WDR91: variants seen among roughly 807,000 people sequenced by gnomAD.
WDR91 encodes the protein WD repeat domain 91, also known as WD repeat-containing protein 91.
A neutral mutation model predicts 88.4 loss-of-function variants in WDR91; 52 were observed. The ratio of observed to expected loss-of-function variants is 0.59; its 90% CI spans 0.47 to 0.74. The LOEUF (loss-of-function observed/expected upper bound fraction) is 0.74, where lower values mean the gene tolerates loss of function less well. Among genes scored for constraint, WDR91 ranks in the 30% least tolerant of loss-of-function variants. WDR91 has a pLI of 0.00. For synonymous variants in WDR91, 362 were observed against 389.5 expected, an observed-to-expected ratio of 0.93 and a Z score of 0.83; for missense variants, 824 against 954.5, an observed-to-expected ratio of 0.86 and a Z score of 1.80.
intron 6 of WDR91, among the ~76,000 whole-genome samples, chr7:135,200,989 C>T (rs1451351110): frequency 6.6e-6 from 1 of 152,206 alleles, no homozygotes; most frequent in Non-Finnish European, 1.5e-5. Flanking sequence ...GAAAGACAGG[C>T]TTTCTCCTTA....
chr7:135,206,568 T>A (rs960548884), intron 4 of WDR91, among the ~76,000 whole-genome samples: 3 of 152,154 alleles, frequency 2.0e-5, no homozygotes, highest in African/African-American at 7.2e-5. Context: ...TAAGGAGATC[T>A]TAATTTCAGG....
Position 135,209,716 on chromosome 7 carries a change from C to T in WDR91, c.163G>A (p.Val55Met), listed in dbSNP as rs967332023. 6 of 1,611,396 alleles carry T rather than the reference C, an allele frequency of 3.7e-6. No homozygotes were observed. The highest frequency in any genetic ancestry group is 5.1e-6 in the Non-Finnish European group (6 of 1,179,016). ...TCCCGAAGGGCAGCCAAGTCATACACCTGCATTAACTGCTGCAGCTGGTCC... is the reference window on the plus strand; with the variant it reads ...TCCCGAAGGGCAGCCAAGTCATACATCTGCATTAACTGCTGCAGCTGGTCC... The part of the protein sequence containing the change: ...IVDQLQQLMQ[V>M]YDLAALRDYW... Residue 55 changes from valine to methionine, a missense_variant, in exon 2 of 15, where the codon GTG becomes ATG. Coordinates refer to ENST00000354475, the MANE Select transcript of WDR91 (RefSeq NM_014149.4).
chr7:135,198,234 C>G (rs111757975), intron 6 of WDR91, 83 bp from the exon 7 acceptor site: 90 of 1,164,518 alleles, frequency 7.7e-5, no homozygotes, highest in Non-Finnish European at 8.9e-5. Context: ...CAGCCCTGGG[C>G]GGGGGGGCGT....
At chr7:135,211,301 G>A (rs935348169) in intron 1 of WDR91, 79 bp downstream of exon 1, 8 of 1,515,514 alleles carry the variant, frequency 5.3e-6, no homozygotes, top group African/African-American at 2.8e-5. Context: ...CTCTCGCCCC[G>A]GAGGCAGTGC....
At chr7:135,206,151 G>C in intron 4 of WDR91, 93 bp from the exon 5 acceptor site, 1 of 1,536,306 alleles carries the variant, frequency 6.5e-7, no homozygotes, top group Non-Finnish European at 9.0e-7. Flanking sequence ...CAAGCCCACT[G>C]GTCTGAGTGC....
chr7:135,207,088 C>A, intron 4 of WDR91, 32 bp downstream of exon 4: 2 of 1,577,328 alleles, frequency 1.3e-6, no homozygotes, highest in Non-Finnish European at 1.7e-6. Flanking sequence ...AGCAGAAGTA[C>A]TTCCTCAGGA....
At chr7:135,189,475 T>C (rs2117633477) in intron 11 of WDR91, 23 bp from the exon 12 acceptor site, 1 of 1,601,666 alleles carries the variant, frequency 6.2e-7, no homozygotes, top group South Asian at 1.1e-5. Context: ...AACAAAAATG[T>C]CAGTAGCAGA....
chr7:135,192,511 C>T (rs1167476429), intron 11 of WDR91, among the ~76,000 whole-genome samples: 1 of 152,084 alleles, frequency 6.6e-6, no homozygotes, highest in Non-Finnish European at 1.5e-5. Flanking sequence ...GTCAAGAATT[C>T]GAGTGTGACC....
At chr7:135,206,233 G>T (rs1303390924) in intron 4 of WDR91, among the ~76,000 whole-genome samples, 175 bp from the exon 5 acceptor site, 1 of 152,126 alleles carries the variant, frequency 6.6e-6, no homozygotes, top group African/African-American at 2.4e-5. Context: ...TGCTGTCACT[G>T]GACAACAATG....
intron 4 of WDR91, among the ~76,000 whole-genome samples, chr7:135,206,646 A>G (rs1831796546): frequency 2.0e-5 from 3 of 152,108 alleles, no homozygotes; most frequent in Admixed American, 6.5e-5. Context: ...TGTTTTATCA[A>G]ACTAGAGAAG....
At chr7:135,204,189 CT>C (rs1831675930) in intron 6 of WDR91, 78 bp downstream of exon 6, 6 of 1,548,736 alleles carry the variant, frequency 3.9e-6, no homozygotes, top group African/African-American at 1.4e-5. Context: ...CAAGTCTACA[CT>C]TGACCAGGAG....
chr7:135,186,717 C>T (rs1830956840), intron 14 of WDR91, among the ~76,000 whole-genome samples: 1 of 152,228 alleles, frequency 6.6e-6, no homozygotes, highest in African/African-American at 2.4e-5. Context: ...GGGCCTCGGG[C>T]AGCTCTCTCC....
At position 135,211,482 on chromosome 7, in the gene WDR91, G is replaced by A. The variant is rs144966993; in HGVS notation, c.21C>T (p.Arg7=). 2 of 1,611,534 alleles carry A rather than the reference G, an allele frequency of 1.2e-6. No homozygotes were observed. The highest frequency in any genetic ancestry group is 2.2e-5 in the East Asian group (1 of 44,762). The change falls in exon 1 of 15, where the codon CGC becomes CGT. Residue 7 remains arginine, a synonymous_variant. Transcript: ENST00000354475. MAEAVE[R]TDELVREYLL... ...GGTACTCCCGGACCAGCTCGTCAGT[G>A]CGCTCCACGGCCTCCGCCATCGCAG...
intron 14 of WDR91, 73 bp from the exon 15 acceptor site, chr7:135,186,388 C>T: frequency 1.3e-6 from 2 of 1,498,168 alleles, no homozygotes; most frequent in East Asian, 2.5e-5. Flanking sequence ...CTTTCAGTGG[C>T]CTACCTGAGG....
intron 9 of WDR91, 188 bp from the exon 10 acceptor site, chr7:135,193,860 G>C (rs1831267201): frequency 1.7e-6 from 1 of 583,306 alleles, no homozygotes; most frequent in Admixed American, 3.0e-5. Flanking sequence ...CGTGAGAGCT[G>C]ACCTTGAACT....
In WDR91 at chr7:135,196,752, C is replaced by G. The variant is rs545667420; in HGVS notation, c.1051-415G>C. ...AGATGCTATTATCTTCCCCATTTTA[C>G]AGCTGTGGAAACTAAAAGACTGAAA... On this transcript the variant is annotated intron_variant, in intron 7 of 14. Transcript: ENST00000354475. The surrounding 1 kb of genome is among the most constrained non-coding windows in gnomAD (Gnocchi z 4.2). Among the ~76,000 whole-genome samples the G allele has an allele frequency of 6.6e-6, 1 of 152,326 alleles. No individual in the cohort carries two copies. The highest frequency in any genetic ancestry group is 6.5e-5 in the Admixed American group (1 of 15,306).
In WDR91 at chr7:135,193,009, G is replaced by A. The variant is rs191647067; in HGVS notation, c.1659+222C>T. On this transcript the variant is annotated intron_variant, in intron 11 of 14. Coordinates refer to ENST00000354475, the MANE Select transcript of WDR91 (RefSeq NM_014149.4). The stretch of plus-strand genomic sequence containing the variant: ...CCTCTCCTAAATAATCAACCACAGG[G>A]GCCCTCTGGTAGGTTCTGGGTGTCT... Among the ~76,000 whole-genome samples, 5 of 152,216 alleles carry A rather than the reference G, an allele frequency of 3.3e-5. No homozygotes were observed. In the East Asian group the frequency reaches 7.7e-4, roughly 23 times the overall value.
intron 6 of WDR91, 38 bp from the exon 7 acceptor site, chr7:135,198,189 T>A (rs2117673841): frequency 6.3e-7 from 1 of 1,595,452 alleles, no homozygotes; most frequent in Middle Eastern, 2.0e-4. Flanking sequence ...TCTCTTCCCA[T>A]CTGCCCAGGC....
chr7:135,187,203 G>A (rs774312383), intron 13 of WDR91, 34 bp from the exon 14 acceptor site: 4 of 1,610,910 alleles, frequency 2.5e-6, no homozygotes, highest in South Asian at 1.1e-5. Context: ...GGTGCTCGCA[G>A]CGGAGCTGGC....
Sources: gnomAD v4.1 joint callset for allele counts (sites outside exome capture counted in the v4.1 genomes callset) on GRCh38, gnomAD v4.1.1 for gene constraint, Gnocchi (gnomAD v3.1) non-coding constraint, MANE v1.5 for transcripts, NCBI Gene and HGNC (gene_info 2026-07-23, HGNC 2026-07-21) for gene names.